The following CNNM4 variants were observed in gnomAD, a reference collection of about 807,000 sequenced individuals.
The protein encoded by CNNM4 is cyclin and CBS domain divalent metal cation transport mediator 4.
In CNNM4, 32 loss-of-function variants were observed where a neutral mutation model predicts 53.7. That is an observed-to-expected ratio of 0.60 (90% CI 0.45 to 0.80). The LOEUF (loss-of-function observed/expected upper bound fraction) is 0.80. Among genes scored for constraint, CNNM4 ranks in the 30% least tolerant of loss-of-function variants. The pLI, the probability that CNNM4 is intolerant of heterozygous loss-of-function variation, is 0.00. For missense variants in CNNM4, 784 were observed against 1,022.0 expected, an observed-to-expected ratio of 0.77 and a Z score of 3.17; for synonymous variants, 410 against 440.0, an observed-to-expected ratio of 0.93 and a Z score of 0.85.
chr2:96,803,528 C>A (rs185772095), intron 5 of CNNM4, among the ~76,000 whole-genome samples: 39 of 152,104 alleles, frequency 2.6e-4, no homozygotes, highest in Non-Finnish European at 4.6e-4. Flanking sequence ...AGTTCGAGAC[C>A]AGCCTTGGCC....
chr2:96,806,553 G>GCGCGCA (rs1340550592), intron 5 of CNNM4, among the ~76,000 whole-genome samples: 3 of 148,788 alleles, frequency 2.0e-5, no homozygotes, highest in Non-Finnish European at 3.0e-5. Context: ...GCGCGCGCGC[G>GCGCGCA]CCCTTAGTTA....
chr2:96,775,481 T>G (rs1430937580), intron 1 of CNNM4, among the ~76,000 whole-genome samples: 1 of 152,188 alleles, frequency 6.6e-6, no homozygotes, highest in African/African-American at 2.4e-5. Flanking sequence ...TTGGGACTAT[T>G]ACAAATGATG....
At chr2:96,792,533 T>C (rs996598797) in intron 1 of CNNM4, among the ~76,000 whole-genome samples, 1 of 152,042 alleles carries the variant, frequency 6.6e-6, no homozygotes, top group African/African-American at 2.4e-5. Flanking sequence ...CTGGTCACGG[T>C]GGCTCACACC....
Position 96,780,247 on chromosome 2 carries a change from T to C in CNNM4, c.1403-16765T>C, listed in dbSNP as rs549876821. On this transcript the variant is annotated intron_variant, in intron 1 of 6. Transcript: ENST00000377075. ...TATATTCCTAGTTATTTGGTGATCA[T>C]AAATGAGGGCTCTAAAATTTGATTT... is the stretch of plus-strand genomic sequence containing the variant. Among the ~76,000 whole-genome samples, 159 of 152,230 alleles carry C rather than the reference T, an allele frequency of 1.0e-3. 1 individual carries two copies. Among genetic ancestry groups the C allele is most frequent in the East Asian group, 4.6e-3 (24 of 5,186 alleles).
chr2:96,797,093 C>A lies in CNNM4; in HGVS notation c.1484C>A (p.Thr495Asn). Residue 495 changes from threonine to asparagine, a missense_variant, in exon 2 of 7, where the codon ACC becomes AAC. Around this residue, in one of 3 missense-constraint regions of CNNM4, gnomAD observed 307 missense variants for 376.3 expected, o/e 0.82. Transcript: ENST00000377075. The surrounding 1 kb of genome is among the most constrained non-coding windows in gnomAD (Gnocchi z 6.0). ...TTCTACGAGGTCCTGGGCCTGGTCA[C>A]CCTGGAGGACGTGATCGAGGAGATC... ...DPFYEVLGLV[T>N]LEDVIEEIIK... 3 of 1,614,146 alleles carry A rather than the reference C, an allele frequency of 1.9e-6. No homozygotes were observed. The highest frequency in any genetic ancestry group is 2.5e-6 in the Non-Finnish European group (3 of 1,180,026).
At chr2:96,790,500 A>G (rs140338516) in intron 1 of CNNM4, among the ~76,000 whole-genome samples, 2,431 of 151,622 alleles carry the variant, frequency 0.016, 20 homozygotes, top group Non-Finnish European at 0.024. Context: ...GATTACAAGC[A>G]TGTGCCACCA....
At position 96,796,291 on chromosome 2, in the gene CNNM4, T is replaced by C. The variant is rs186373984; in HGVS notation, c.1403-721T>C. On this transcript the variant is annotated intron_variant, in intron 1 of 6. Transcript: ENST00000377075. ...TTCCGAGTAGCTGGGACTACAGGTG[T>C]GTACTACCACACCTAGCTGATTTTT... 4.7e-4 allele frequency among the ~76,000 whole-genome samples: 72 copies of C among 151,864 alleles called. 1 individual carries two copies. In the East Asian group the frequency reaches 8.6e-3, roughly 18 times the overall value.
chr2:96,765,421 C>T (rs2078807677), intron 1 of CNNM4, among the ~76,000 whole-genome samples: 1 of 151,584 alleles, frequency 6.6e-6, no homozygotes, highest in Non-Finnish European at 1.5e-5. Flanking sequence ...CCACCCTGCC[C>T]AGCCTTTCAG....
chr2:96,766,344 G>A (rs1482786146), intron 1 of CNNM4, among the ~76,000 whole-genome samples: 1 of 152,092 alleles, frequency 6.6e-6, no homozygotes, highest in East Asian at 1.9e-4. Context: ...CAAAGTGCTG[G>A]GATTACAGGT....
rs569239728 is a variant in CNNM4, at chr2:96,785,839, C to T, written c.1403-11173C>T. Reference sequence around the variant, plus strand: ...TAAAAATGCCAGGCGCAGTGGCTCACGCACTTTGGGAGGCTGAAGCGGTGG... The same window carrying T: ...TAAAAATGCCAGGCGCAGTGGCTCATGCACTTTGGGAGGCTGAAGCGGTGG... On this transcript the variant is annotated intron_variant, in intron 1 of 6. Coordinates refer to ENST00000377075, the MANE Select transcript of CNNM4 (RefSeq NM_020184.4). Among the ~76,000 whole-genome samples the T allele has an allele frequency of 8.0e-5, 12 of 149,920 alleles. No homozygotes were observed. The South Asian group carries it at 1.3e-3, about 16-fold the overall frequency.
Position 96,761,444 on chromosome 2 carries a change from G to T in CNNM4, c.445G>T (p.Ala149Ser), listed in dbSNP as rs1416575882. 7.4e-6 allele frequency: 12 copies of T among 1,614,162 alleles called. No individual in the cohort carries two copies. The highest frequency in any genetic ancestry group is 1.0e-5 in the Non-Finnish European group (12 of 1,180,040). ...GAGGAGCGAGAGCATGAAGCTGTAT[G>T]CACTGTGCACCCGGGCCCAGCCCGA... ...LRRSESMKLY[A>S]LCTRAQPDGP... The change falls in exon 1 of 7, where the codon GCA (alanine) becomes TCA (serine). Residue 149 changes from alanine (A) to serine (S), a missense_variant. By Grantham distance (99) the Ala-to-Ser change is moderately conservative. Coordinates refer to ENST00000377075, the MANE Select transcript of CNNM4 (RefSeq NM_020184.4). This position sits in a 1 kb window ranked among gnomAD's most constrained non-coding sequence, Gnocchi z 6.0.
intron 1 of CNNM4, among the ~76,000 whole-genome samples, chr2:96,774,100 G>A (rs984894889): frequency 4.6e-5 from 7 of 152,214 alleles, no homozygotes; most frequent in South Asian, 2.1e-4. Flanking sequence ...CGTCCTGACC[G>A]CCAGCGCATC....
At chr2:96,775,414 A>T (rs2078915622) in intron 1 of CNNM4, among the ~76,000 whole-genome samples, 1 of 152,228 alleles carries the variant, frequency 6.6e-6, no homozygotes, top group Non-Finnish European at 1.5e-5. Context: ...GGTTGCTGTC[A>T]TAATATTCCC....
At chr2:96,784,684 A>G (rs2079001844) in intron 1 of CNNM4, among the ~76,000 whole-genome samples, 1 of 152,186 alleles carries the variant, frequency 6.6e-6, no homozygotes, top group Non-Finnish European at 1.5e-5. Flanking sequence ...TCTGTATCCC[A>G]GCCTGATCAC....
Position 96,762,218 on chromosome 2 carries a change from C to A in CNNM4, c.1219C>A (p.Arg407Ser). ...MSEIMESGYTRIPVFEDEQSN... is the reference protein window; with the variant it reads ...MSEIMESGYTSIPVFEDEQSN... Reference sequence around the variant, plus strand: ...GGAGATAATGGAAAGCGGCTATACTCGCATCCCGGTGTTCGAAGACGAGCA... The same window carrying A: ...GGAGATAATGGAAAGCGGCTATACTAGCATCCCGGTGTTCGAAGACGAGCA... Residue 407 changes from arginine to serine, a missense_variant, in exon 1 of 7, where the codon CGC (arginine) becomes AGC (serine). Transcript: ENST00000377075. 1 of 1,614,168 alleles carries A rather than the reference C, an allele frequency of 6.2e-7. No homozygotes were observed. The highest frequency in any genetic ancestry group is 8.5e-7 in the Non-Finnish European group (1 of 1,180,032).
At chr2:96,762,517 C>T in intron 1 of CNNM4, 116 bp downstream of exon 1, 1 of 970,974 alleles carries the variant, frequency 1.0e-6, no homozygotes, top group Admixed American at 2.0e-5. Flanking sequence ...GTCCCTTTGC[C>T]TATCGCTTCC....
intron 1 of CNNM4, among the ~76,000 whole-genome samples, chr2:96,782,643 G>A (rs2078984702): frequency 6.6e-6 from 1 of 151,918 alleles, no homozygotes; most frequent in South Asian, 2.1e-4. Context: ...TGTTGCTATA[G>A]TTTTCCTCTC....
chr2:96,804,037 TA>T (rs2079180408), intron 5 of CNNM4, among the ~76,000 whole-genome samples: 1 of 151,976 alleles, frequency 6.6e-6, no homozygotes, highest in Non-Finnish European at 1.5e-5. Flanking sequence ...TAGCTGGGAC[TA>T]CAGGCAGGTG....
At chr2:96,783,477 C>A (rs981690084) in intron 1 of CNNM4, among the ~76,000 whole-genome samples, 3 of 152,200 alleles carry the variant, frequency 2.0e-5, no homozygotes, top group Non-Finnish European at 4.4e-5. Context: ...TCACTCCTCT[C>A]TCCACTTCAT....
Sources: gnomAD v4.1 joint callset for allele counts (sites outside exome capture counted in the v4.1 genomes callset) on GRCh38, gnomAD v4.1.1 for gene constraint, gnomAD v4.1.1 regional missense constraint, Gnocchi (gnomAD v3.1) non-coding constraint, MANE v1.5 for transcripts, NCBI Gene and HGNC (gene_info 2026-07-23, HGNC 2026-07-21) for gene names.